The following MARK2 variants were observed in gnomAD, a reference collection of about 807,000 sequenced individuals.
MARK2 encodes the protein serine/threonine-protein kinase MARK2.
Under a neutral mutation model 89.8 loss-of-function variants are expected in MARK2, and 16 were observed. That is an observed-to-expected ratio of 0.18 (90% confidence interval 0.12 to 0.27). The LOEUF (loss-of-function observed/expected upper bound fraction) is 0.27. MARK2 is among the 10% of genes least tolerant of loss of function. The pLI is 1.00. For missense variants in MARK2, 621 were observed against 1,049.9 expected (o/e 0.59, Z 5.65); for synonymous variants, 382 against 399.5 (o/e 0.96, Z 0.52).
chr11:63,874,993 C>A (rs4980507), intron 1 of MARK2, among the ~76,000 whole-genome samples: 4 of 151,936 alleles, frequency 2.6e-5, no homozygotes, highest in Admixed American at 2.0e-4. Context: ...CTCTGTCGCC[C>A]AGGCTGGAGT....
chr11:63,908,117 C>T (rs1941494958), intron 17 of MARK2, 143 bp from the exon 18 acceptor site: 1 of 685,662 alleles, frequency 1.5e-6, no homozygotes, highest in East Asian at 2.7e-5. Context: ...TGTTGGCTTG[C>T]CAGGTGATGG....
At chr11:63,891,605 G>C (rs1939863867) in intron 1 of MARK2, among the ~76,000 whole-genome samples, 1 of 152,248 alleles carries the variant, frequency 6.6e-6, no homozygotes, top group South Asian at 2.1e-4. Context: ...TGAGAACTTA[G>C]AGACCGTCAC....
intron 1 of MARK2, among the ~76,000 whole-genome samples, chr11:63,870,326 G>C (rs1425504763): frequency 6.6e-6 from 1 of 152,160 alleles, no homozygotes; most frequent in Non-Finnish European, 1.5e-5. Flanking sequence ...CTCCCACCTG[G>C]GTTCCCAGAG....
Position 63,904,109 on chromosome 11 carries a change from GC to G in MARK2, c.1644del (p.Thr549ArgfsTer67). On this transcript the variant is annotated frameshift_variant, in exon 15 of 19. Coordinates refer to ENST00000402010, the MANE Select transcript of MARK2 (RefSeq NM_001039469.3). LOFTEE classifies it high-confidence loss of function. This position sits in a 1 kb window ranked among gnomAD's most constrained non-coding sequence, Gnocchi z 6.3. ...SVHPNKASGLPPTESNCEVPR... is the reference protein window; with the variant it reads ...SVHPNKASGLXPTESNCEVPR... ...TGCACCCCAACAAGGCCTCTGGGCT[GC>G]CCCCCACGGAGAGTAACTGTGAGGT... The G allele has an allele frequency of 6.3e-7, 1 of 1,598,636 alleles. No individual in the cohort carries two copies.
At chr11:63,861,996 T>C (rs1379870026) in intron 1 of MARK2, among the ~76,000 whole-genome samples, 1 of 149,114 alleles carries the variant, frequency 6.7e-6, no homozygotes, top group Admixed American at 6.8e-5. Flanking sequence ...CTGTCTTGGC[T>C]CACTGCAGTC....
In MARK2 at chr11:63,907,061, C is replaced by T. The variant is rs927013330; in HGVS notation, c.1961+947C>T. Among the ~76,000 whole-genome samples, 3 of 152,276 alleles carry T rather than the reference C, an allele frequency of 2.0e-5. No homozygotes were observed. In the East Asian group the frequency reaches 5.8e-4, roughly 30 times the overall value. ...CTTTCACCCCTGGCCTTATGCTCATCCTCTCTGCAGGCCTCGGGGACCAAA... is the reference window on the plus strand; with the variant it reads ...CTTTCACCCCTGGCCTTATGCTCATTCTCTCTGCAGGCCTCGGGGACCAAA... On this transcript the variant is annotated intron_variant, in intron 17 of 18. Transcript: ENST00000402010.
intron 1 of MARK2, among the ~76,000 whole-genome samples, chr11:63,865,627 T>C (rs958081722): frequency 1.1e-4 from 17 of 152,224 alleles, no homozygotes; most frequent in African/African-American, 3.6e-4. Flanking sequence ...GTTAGGTCCA[T>C]AGGGGCTCTG....
At chr11:63,891,603 T>G (rs1333126667) in intron 1 of MARK2, among the ~76,000 whole-genome samples, 1 of 152,226 alleles carries the variant, frequency 6.6e-6, no homozygotes, top group South Asian at 2.1e-4. Context: ...TTTGAGAACT[T>G]AGAGACCGTC....
At position 63,903,132 on chromosome 11, in the gene MARK2, G is replaced by C. The variant is rs1164240745; in HGVS notation, c.1488G>C (p.Gln496His). 6.2e-7 allele frequency: 1 copy of C among 1,613,700 alleles called. No individual in the cohort carries two copies. Among genetic ancestry groups the C allele is most frequent in the Admixed American group, 1.7e-5 (1 of 60,004 alleles). Reference protein sequence around the residue: ...SPLLERASLGQASIQNGKDSL... With the variant: ...SPLLERASLGHASIQNGKDSL... The stretch of plus-strand genomic sequence containing the variant: ...TTTTGGAGCGGGCCAGCCTCGGCCA[G>C]GCCTCCATCCAGAATGGCAAAGACA... The change falls in exon 14 of 19, where the codon CAG (glutamine) becomes CAC (histidine). Residue 496 changes from glutamine (Q) to histidine (H), a missense_variant. Gln to His is a conservative substitution (Grantham distance 24). This residue lies in a region of MARK2 where 397 missense variants were observed against 567.8 expected (regional missense o/e 0.70). Coordinates refer to ENST00000402010, the MANE Select transcript of MARK2 (RefSeq NM_001039469.3). The surrounding 1 kb of genome is among the most constrained non-coding windows in gnomAD (Gnocchi z 5.1).
intron 1 of MARK2, among the ~76,000 whole-genome samples, chr11:63,857,062 C>T (rs187721100): frequency 6.6e-6 from 1 of 152,160 alleles, no homozygotes; most frequent in Non-Finnish European, 1.5e-5. Context: ...CCGCCCGCCT[C>T]GGCCTCCCAA....
intron 1 of MARK2, chr11:63,869,287 A>G (rs1033451639): frequency 6.5e-6 from 1 of 154,054 alleles, no homozygotes; most frequent in Non-Finnish European, 1.4e-5. Context: ...GTTTCTCTTC[A>G]TGGATTACCT....
intron 7 of MARK2, 36 bp downstream of exon 7, chr11:63,899,144 G>C: frequency 7.0e-7 from 1 of 1,435,530 alleles, no homozygotes; most frequent in Non-Finnish European, 9.8e-7. Context: ...CTTTGAGTGG[G>C]AGCCAGGTTG....
At chr11:63,870,812 T>C (rs1446094336) in intron 1 of MARK2, among the ~76,000 whole-genome samples, 1 of 151,946 alleles carries the variant, frequency 6.6e-6, no homozygotes, top group African/African-American at 2.4e-5. Context: ...CAAAGAGGAA[T>C]GGGAGTGACT....
chr11:63,899,444 G>C (rs528502823), intron 7 of MARK2, among the ~76,000 whole-genome samples: 1 of 152,238 alleles, frequency 6.6e-6, no homozygotes, highest in South Asian at 2.1e-4. Flanking sequence ...CAACCTGGTA[G>C]CTGACCCAGG....
intron 1 of MARK2, among the ~76,000 whole-genome samples, chr11:63,893,028 C>T (rs1940031747): frequency 2.0e-5 from 3 of 151,222 alleles, no homozygotes; most frequent in African/African-American, 7.3e-5. Context: ...CCTGCCTCAG[C>T]CTCCCTAGTA....
chr11:63,869,442 C>G (rs1938326513), intron 1 of MARK2: 1 of 155,318 alleles, frequency 6.4e-6, no homozygotes, highest in African/African-American at 2.4e-5. Flanking sequence ...CCGGGCTGCT[C>G]AAACTAAGGC....
At chr11:63,897,182 G>T (rs556513567) in intron 3 of MARK2, among the ~76,000 whole-genome samples, 1 of 152,312 alleles carries the variant, frequency 6.6e-6, no homozygotes, top group South Asian at 2.1e-4. Flanking sequence ...AGCAGCCTCA[G>T]GGGAAGAAGC....
At position 63,910,126 on chromosome 11, in the gene MARK2, G is replaced by GCT. The variant is rs1941657366; in HGVS notation, c.*889_*890insCT. The stretch of plus-strand genomic sequence containing the variant: ...CAGACTGGCTTCTCGGTCCCCAGGG[G>GCT]GCCGCTTGGGCTGTTGGTCTCCAGA... On this transcript the variant is annotated 3_prime_UTR_variant, in exon 19 of 19. Coordinates refer to ENST00000402010, the MANE Select transcript of MARK2 (RefSeq NM_001039469.3). 6.6e-6 allele frequency: 1 copy of GCT among 152,358 alleles called. No homozygotes were observed. The highest frequency in any genetic ancestry group is 1.5e-5 in the Non-Finnish European group (1 of 68,144). 9.4% of individuals were successfully genotyped at this position (152,358 alleles called of 1,614,324 possible).
intron 1 of MARK2, among the ~76,000 whole-genome samples, chr11:63,883,349 G>T (rs1053600896): frequency 7.2e-5 from 11 of 152,168 alleles, no homozygotes; most frequent in African/African-American, 2.7e-4. Context: ...AGCCATGGCA[G>T]AATTTGACTT....
Sources: gnomAD v4.1 joint callset for allele counts (sites outside exome capture counted in the v4.1 genomes callset) on GRCh38, gnomAD v4.1.1 for gene constraint, gnomAD v4.1.1 regional missense constraint, Gnocchi (gnomAD v3.1) non-coding constraint, MANE v1.5 for transcripts, NCBI Gene and HGNC (gene_info 2026-07-23, HGNC 2026-07-21) for gene names.